Variants in NSUN7 observed in about 807,000 individuals in gnomAD.
NSUN7 encodes protein NSUN7.
NSUN7 carries 39 observed loss-of-function variants against 58.5 expected under a neutral mutation model. The ratio of observed to expected loss-of-function variants is 0.67; its 90% CI spans 0.52 to 0.87. The LOEUF (loss-of-function observed/expected upper bound fraction) is 0.87, where lower values mean the gene tolerates loss of function less well. NSUN7 is among the 40% of genes least tolerant of loss of function. The pLI is 0.00. For synonymous variants in NSUN7, 278 were observed against 303.7 expected, an observed-to-expected ratio of 0.92 and a Z score of 0.88; for missense variants, 765 against 844.1, an observed-to-expected ratio of 0.91 and a Z score of 1.16.
chr4:40,753,586 TAAACCTTTATG>T (rs1740944755), intron 2 of NSUN7, among the ~76,000 whole-genome samples: 1 of 152,250 alleles, frequency 6.6e-6, no homozygotes, highest in African/African-American at 2.4e-5. Context: ...TAAATTGTCA[TAAACCTTTATG>T]AAACTTCTTT....
intron 2 of NSUN7, among the ~76,000 whole-genome samples, chr4:40,757,335 T>C (rs981082074): frequency 1.3e-5 from 2 of 152,100 alleles, no homozygotes; most frequent in Non-Finnish European, 2.9e-5. Context: ...TACAGGCTTA[T>C]GTAAGTGTTC....
chr4:40,770,210 CAA>C (rs36059628), intron 4 of NSUN7, among the ~76,000 whole-genome samples: 994 of 94,730 alleles, frequency 0.01, 6 homozygotes, highest in African/African-American at 0.029. Context: ...AACTCCATCT[CAA>C]AAAAAAAAAA....
intron 7 of NSUN7, among the ~76,000 whole-genome samples, chr4:40,785,943 G>A (rs546536505): frequency 5.9e-5 from 9 of 152,222 alleles, no homozygotes; most frequent in Non-Finnish European, 1.3e-4. Flanking sequence ...ACGCCTCCCT[G>A]GTGCCAGGGA....
At chr4:40,785,087 A>G (rs1348293056) in intron 7 of NSUN7, among the ~76,000 whole-genome samples, 3 of 152,148 alleles carry the variant, frequency 2.0e-5, no homozygotes, top group Non-Finnish European at 4.4e-5. Context: ...CCCAGGCTGT[A>G]GTGCAGTGGT....
chr4:40,804,876 T>A (rs1743750093), intron 10 of NSUN7, among the ~76,000 whole-genome samples: 1 of 152,134 alleles, frequency 6.6e-6, no homozygotes, highest in Admixed American at 6.5e-5. Context: ...TGTCACTGCA[T>A]CCCCTACTGT....
chr4:40,805,314 T>C (rs1743768685), intron 10 of NSUN7, among the ~76,000 whole-genome samples: 1 of 152,162 alleles, frequency 6.6e-6, no homozygotes, highest in Non-Finnish European at 1.5e-5. Flanking sequence ...AAACCCACGC[T>C]TGTGTTTGCG....
intron 8 of NSUN7, among the ~76,000 whole-genome samples, chr4:40,792,623 C>T (rs1441169425): frequency 3.3e-5 from 5 of 152,018 alleles, no homozygotes; most frequent in African/African-American, 4.8e-5. Context: ...AGGTGGCGGG[C>T]GCCTGTAGTC....
chr4:40,750,444 CTTTT>C (rs145071809), intron 1 of NSUN7, 144 bp downstream of exon 1: 1,191 of 270,332 alleles, frequency 4.4e-3, no homozygotes, highest in South Asian at 5.8e-3. Flanking sequence ...CCCCTCCTCG[CTTTT>C]TTTTTTTTTT....
chr4:40,799,073 CTTTTTT>C lies in NSUN7; in HGVS notation c.1400+193_1400+198del, dbSNP rs761448412. ...AACCAAGATTCCATAGGGCCTTTTTCTTTTTTTTTTTTTTTTTTTTTTTTTTTTTAA... is the reference window on the plus strand; with the variant it reads ...AACCAAGATTCCATAGGGCCTTTTTCTTTTTTTTTTTTTTTTTTTTTTTAA... On this transcript the variant is annotated intron_variant, in intron 10 of 11. Transcript: ENST00000381782. Among the ~76,000 whole-genome samples, 76 of 76,248 alleles carry C rather than the reference CTTTTTT, an allele frequency of 1.0e-3. 3 individuals are homozygous for C. Among genetic ancestry groups the C allele is most frequent in the East Asian group, 7.0e-4 (2 of 2,866 alleles). The allele number at this position is 76,248 out of a possible 152,430, so 50.0% of individuals were successfully genotyped here.
In NSUN7 at chr4:40,809,399, T is replaced by G. The variant is rs980778880; in HGVS notation, c.*460T>G. On this transcript the variant is annotated 3_prime_UTR_variant, in exon 12 of 12. Transcript: ENST00000381782. ...TGACTTTCTCAGTCACGATCAAGGG[T>G]GATTTTTTCTTAAATATCAAGCTGT... The G allele has an allele frequency of 6.5e-6, 1 of 153,132 alleles. No individual in the cohort carries two copies. Among genetic ancestry groups the G allele is most frequent in the Non-Finnish European group, 1.5e-5 (1 of 68,722 alleles). The allele number at this position is 153,132 out of a possible 1,614,324, so 9.5% of individuals were successfully genotyped here.
chr4:40,781,586 C>T (rs1263170895), intron 7 of NSUN7, among the ~76,000 whole-genome samples: 2 of 152,202 alleles, frequency 1.3e-5, no homozygotes, highest in African/African-American at 4.8e-5. Context: ...GCTGGGACTA[C>T]AGGCATGTGC....
At chr4:40,790,845 T>C (rs1193397956) in intron 8 of NSUN7, 100 bp downstream of exon 8, 2 of 901,656 alleles carry the variant, frequency 2.2e-6, no homozygotes, top group Admixed American at 6.4e-5. Flanking sequence ...ATCTGATTAA[T>C]AAATAATAGC....
At chr4:40,807,636 G>A (rs931113259) in intron 11 of NSUN7, among the ~76,000 whole-genome samples, 1 of 151,808 alleles carries the variant, frequency 6.6e-6, no homozygotes, top group African/African-American at 2.4e-5. Flanking sequence ...GTGAACCACC[G>A]CACCCGGCCA....
chr4:40,792,712 A>G (rs914139379), intron 8 of NSUN7, among the ~76,000 whole-genome samples: 5 of 152,028 alleles, frequency 3.3e-5, no homozygotes, highest in African/African-American at 7.3e-5. Context: ...AGATCGCGCC[A>G]CTGCACTCCA....
intron 7 of NSUN7, among the ~76,000 whole-genome samples, chr4:40,776,814 C>T (rs1418217771): frequency 6.6e-6 from 1 of 152,058 alleles, no homozygotes; most frequent in Admixed American, 6.6e-5. Flanking sequence ...CAAGGTTTTG[C>T]AGTGTTGCTC....
chr4:40,768,521 G>A (rs1172929149), intron 4 of NSUN7, among the ~76,000 whole-genome samples: 1 of 152,150 alleles, frequency 6.6e-6, no homozygotes, highest in Non-Finnish European at 1.5e-5. Flanking sequence ...GGTTATAGAA[G>A]AAGAAGTAAT....
rs1560567917 is a variant in NSUN7 at position 40,808,568 on chromosome 4, C to A, written c.1786C>A (p.Gln596Lys). The change falls in exon 12 of 12, where the codon CAA becomes AAA. Residue 596 changes from glutamine to lysine, a missense_variant. Physicochemically the swap from Gln to Lys is moderately conservative, Grantham distance 53. Coordinates refer to ENST00000381782, the MANE Select transcript of NSUN7 (RefSeq NM_024677.6). ...KPPLPQKNTA[Q>K]VGASSQTRKP... ...ACCTCTTCCCCAGAAAAATACTGCT[C>A]AAGTGGGGGCTTCCTCACAGACCAG... The A allele has an allele frequency of 6.4e-7, 1 of 1,551,682 alleles. No individual in the cohort carries two copies. Among genetic ancestry groups the A allele is most frequent in the East Asian group, 2.4e-5 (1 of 40,924 alleles).
At chr4:40,799,816 C>A (rs1012592206) in intron 10 of NSUN7, among the ~76,000 whole-genome samples, 1 of 152,148 alleles carries the variant, frequency 6.6e-6, no homozygotes, top group Admixed American at 6.5e-5. Context: ...AATCTCATCA[C>A]CTACCTGTTG....
chr4:40,771,745 A>G lies in NSUN7; in HGVS notation c.489-2520A>G, dbSNP rs144319220. On this transcript the variant is annotated intron_variant, in intron 4 of 11. Coordinates refer to ENST00000381782, the MANE Select transcript of NSUN7 (RefSeq NM_024677.6). ...TTTATAATTATATAATTATAAATATATAATTATATTATTAATATTTAATAT... is the reference window on the plus strand; with the variant it reads ...TTTATAATTATATAATTATAAATATGTAATTATATTATTAATATTTAATAT... Among the ~76,000 whole-genome samples, 1,432 of 147,820 alleles carry G rather than the reference A, an allele frequency of 9.7e-3. 30 individuals carry two copies. The highest frequency in any genetic ancestry group is 0.033 in the African/African-American group (1,338 of 40,808).
Sources: gnomAD v4.1 joint callset for allele counts (sites outside exome capture counted in the v4.1 genomes callset) on GRCh38, gnomAD v4.1.1 for gene constraint, MANE v1.5 for transcripts, NCBI Gene and HGNC (gene_info 2026-07-23, HGNC 2026-07-21) for gene names.